Variants in AOPEP observed in about 807,000 individuals in gnomAD.
AOPEP encodes aminopeptidase O.
Under a neutral mutation model 98.1 loss-of-function variants are expected in AOPEP, and 77 were observed. That is an observed-to-expected ratio of 0.78 (90% CI 0.65 to 0.95). The LOEUF is 0.95. Among genes scored for constraint, AOPEP ranks in the 40% least tolerant of loss-of-function variants. The pLI is 0.00. For missense variants in AOPEP, 1,024 were observed against 1,024.7 expected, an observed-to-expected ratio of 1.00 and a Z score of 0.01; for synonymous variants, 346 against 365.3, an observed-to-expected ratio of 0.95 and a Z score of 0.60.
chr9:94,732,299 G>A (rs547972271), intron 1 of AOPEP, among the ~76,000 whole-genome samples: 1 of 149,472 alleles, frequency 6.7e-6, no homozygotes, highest in South Asian at 2.1e-4. Context: ...TATTCATCAA[G>A]TAAGAATGGG....
intron 5 of AOPEP, among the ~76,000 whole-genome samples, chr9:94,853,050 A>T (rs1564260091): frequency 6.6e-6 from 1 of 152,244 alleles, no homozygotes; most frequent in Non-Finnish European, 1.5e-5. Flanking sequence ...CTAGGACCAC[A>T]GTACAGATAT....
chr9:94,744,993 A>G (rs1834134015), intron 1 of AOPEP, among the ~76,000 whole-genome samples: 2 of 152,036 alleles, frequency 1.3e-5, no homozygotes, highest in Admixed American at 1.3e-4. Context: ...AGATATTGTG[A>G]TACAGGTATA....
the AOPEP span, among the ~76,000 whole-genome samples, chr9:95,103,745 C>T: frequency 6.6e-6 from 1 of 152,338 alleles, no homozygotes; most frequent in Middle Eastern, 3.4e-3. Flanking sequence ...AGTGGGCCTC[C>T]AGGTGCCTGG....
intron 11 of AOPEP, among the ~76,000 whole-genome samples, chr9:94,999,932 T>C (rs549947396): frequency 1.3e-4 from 20 of 152,338 alleles, no homozygotes; most frequent in Admixed American, 3.9e-4. Flanking sequence ...AGTTGATCTC[T>C]GTAAACGTTT....
intron 13 of AOPEP, among the ~76,000 whole-genome samples, chr9:95,012,920 G>GTT (rs775678092): frequency 1.7e-5 from 1 of 59,874 alleles, no homozygotes; most frequent in Non-Finnish European, 3.5e-5. Context: ...TATTTATTTT[G>GTT]TTTTTTTTTT....
At chr9:94,783,622 A>G (rs1175437355) in intron 3 of AOPEP, among the ~76,000 whole-genome samples, 2 of 152,188 alleles carry the variant, frequency 1.3e-5, no homozygotes, top group African/African-American at 4.8e-5. Flanking sequence ...CAGGAGGGGA[A>G]GAGCAGCCAA....
intron 14 of AOPEP, chr9:95,065,461 C>T (rs555997964): frequency 1.3e-5 from 2 of 152,390 alleles, no homozygotes; most frequent in South Asian, 4.1e-4. Context: ...AGGGGGCCCA[C>T]CCAGGCCCCC....
At chr9:94,841,766 T>C (rs943837127) in intron 5 of AOPEP, among the ~76,000 whole-genome samples, 1 of 152,174 alleles carries the variant, frequency 6.6e-6, no homozygotes, top group South Asian at 2.1e-4. Flanking sequence ...GAATATCTAC[T>C]CCTAGCTGGG....
At chr9:95,044,163 A>G (rs1022122098) in intron 13 of AOPEP, among the ~76,000 whole-genome samples, 2 of 152,242 alleles carry the variant, frequency 1.3e-5, no homozygotes, top group Non-Finnish European at 2.9e-5. Context: ...CCTGAAACAG[A>G]TAAGACATTT....
At chr9:94,915,159 A>C (rs943376084) in intron 5 of AOPEP, among the ~76,000 whole-genome samples, 8 of 152,216 alleles carry the variant, frequency 5.3e-5, no homozygotes, top group African/African-American at 1.9e-4. Flanking sequence ...TACATGTAAA[A>C]TAGGCACGAT....
rs34645632 is a variant in AOPEP, at chr9:94,821,970, A to AACACACACAC, written c.1364+21001_1364+21010dup. ...TAGATCTGTGCACCCTGTGTGTGTAAACACACACACACACACACACACACA... is the reference window on the plus strand; with the variant it reads ...TAGATCTGTGCACCCTGTGTGTGTAAACACACACACACACACACACACACACACACACACA... On this transcript the variant is annotated intron_variant, in intron 5 of 16. Transcript: ENST00000375315. Among the ~76,000 whole-genome samples the AACACACACAC allele has an allele frequency of 5.5e-3, 778 of 141,434 alleles. 3 individuals are homozygous for AACACACACAC. The highest frequency in any genetic ancestry group is 7.8e-3 in the African/African-American group (303 of 38,712). 92.8% of individuals were successfully genotyped at this position (141,434 alleles called of 152,430 possible). A position where few individuals can be genotyped will look rare whatever the true frequency, so the allele number is the denominator to read the frequency against.
intron 1 of AOPEP, among the ~76,000 whole-genome samples, chr9:94,731,751 T>G (rs1830592347): frequency 6.6e-6 from 1 of 151,838 alleles, no homozygotes; most frequent in Non-Finnish European, 1.5e-5. Context: ...GAAGGTTTTT[T>G]TTCCCCCTGC....
chr9:95,036,463 G>T (rs1198520734), intron 13 of AOPEP, among the ~76,000 whole-genome samples: 1 of 152,106 alleles, frequency 6.6e-6, no homozygotes, highest in African/African-American at 2.4e-5. Flanking sequence ...TGGGGTGAGA[G>T]AAAATCTTTC....
At chr9:94,933,810 C>T (rs2055795258) in intron 7 of AOPEP, 1 of 331,396 alleles carries the variant, frequency 3.0e-6, no homozygotes, top group African/African-American at 2.3e-5. Flanking sequence ...TGCAGTGGCG[C>T]AATCTCAGCT....
chr9:94,897,587 T>C (rs1317623642), intron 5 of AOPEP, among the ~76,000 whole-genome samples: 1 of 152,118 alleles, frequency 6.6e-6, no homozygotes, highest in Non-Finnish European at 1.5e-5. Context: ...ACTTCAAACT[T>C]CTAATTGAAA....
chr9:94,820,147 T>C (rs771429204), intron 5 of AOPEP, among the ~76,000 whole-genome samples: 35 of 152,000 alleles, frequency 2.3e-4, no homozygotes, highest in Non-Finnish European at 4.1e-4. Context: ...GGTTTTGCCA[T>C]GTTGGCCAAG....
chr9:95,111,299 C>G, the AOPEP span: 1 of 1,583,138 alleles, frequency 6.3e-7, no homozygotes, highest in Non-Finnish European at 8.5e-7. Flanking sequence ...CCTCTGACCA[C>G]AAGGCTGGAG....
chr9:94,778,364 A>G (rs1292632220), intron 3 of AOPEP, among the ~76,000 whole-genome samples: 3 of 152,204 alleles, frequency 2.0e-5, no homozygotes, highest in African/African-American at 7.2e-5. Flanking sequence ...CACATTTTCC[A>G]TAATGACCAA....
intron 1 of AOPEP, among the ~76,000 whole-genome samples, chr9:94,752,675 T>A (rs983125027): frequency 6.6e-6 from 1 of 152,182 alleles, no homozygotes; most frequent in Non-Finnish European, 1.5e-5. Flanking sequence ...AAAAGGAAAT[T>A]GTGGCAGATT....
Sources: gnomAD v4.1 joint callset for allele counts (sites outside exome capture counted in the v4.1 genomes callset) on GRCh38, gnomAD v4.1.1 for gene constraint, MANE v1.5 for transcripts, NCBI Gene and HGNC (gene_info 2026-07-23, HGNC 2026-07-21) for gene names.